LMBR1: variants seen among roughly 807,000 people sequenced by gnomAD.
LMBR1 encodes the protein limb development membrane protein 1.
In LMBR1, 52 loss-of-function variants were observed where a neutral mutation model predicts 73.9. The observed-to-expected ratio is 0.70, with a 90% CI of 0.56 to 0.89. LMBR1 has a LOEUF of 0.89. Ranked by LOEUF, LMBR1 falls within the 40% of genes least tolerant of loss-of-function variation. The probability of loss-of-function intolerance (pLI) is 0.00; values close to 1 mark genes in which losing one functional copy is unlikely to be tolerated. For missense variants in LMBR1, 539 were observed against 579.8 expected (o/e 0.93, Z 0.72); for synonymous variants, 215 against 209.4 (o/e 1.03, Z -0.23).
chr7:156,679,264 C>T lies in LMBR1; in HGVS notation c.*4814G>A, dbSNP rs1804605653. Reference sequence around the variant, plus strand: ...CACACCACGCCCCAGGCCCCTCTCACCACCCCTGCTTCCAAGTCTTTGATG... The same window carrying T: ...CACACCACGCCCCAGGCCCCTCTCATCACCCCTGCTTCCAAGTCTTTGATG... On this transcript the variant is annotated 3_prime_UTR_variant, in exon 17 of 17. Coordinates refer to ENST00000353442, the MANE Select transcript of LMBR1 (RefSeq NM_022458.4). The T allele has an allele frequency of 6.6e-6, 1 of 152,200 alleles. No individual in the cohort carries two copies. Among genetic ancestry groups the T allele is most frequent in the African/African-American group, 2.4e-5 (1 of 41,434 alleles). The allele number at this position is 152,200 out of a possible 1,614,324, so 9.4% of individuals were successfully genotyped here.
At chr7:156,863,530 T>C (rs960599135) in intron 1 of LMBR1, among the ~76,000 whole-genome samples, 1 of 152,164 alleles carries the variant, frequency 6.6e-6, no homozygotes, top group Non-Finnish European at 1.5e-5. Context: ...GTTGACACTC[T>C]ATATTCCATC....
rs190969426 is a variant in LMBR1 at position 156,722,906 on chromosome 7, C to T, written c.1225+1206G>A. Among the ~76,000 whole-genome samples the T allele has an allele frequency of 7.9e-5, 12 of 152,074 alleles. No individual in the cohort carries two copies. In the East Asian group the frequency reaches 2.3e-3, roughly 29 times the overall value. On this transcript the variant is annotated intron_variant, in intron 15 of 16. Coordinates refer to ENST00000353442, the MANE Select transcript of LMBR1 (RefSeq NM_022458.4). ...AAATAATAGTACAGTGAATGAGTTT[C>T]CTAAGTATTAAAATGATAGGTTGGC... is the stretch of plus-strand genomic sequence containing the variant.
rs1256260514 is a variant in LMBR1 at position 156,681,135 on chromosome 7, T to C, written c.*2943A>G. 2.3e-6 allele frequency: 1 copy of C among 443,426 alleles called. No homozygotes were observed. Among genetic ancestry groups the C allele is most frequent in the African/African-American group, 2.0e-5 (1 of 49,004 alleles). The allele number at this position is 443,426 out of a possible 1,614,324, so 27.5% of individuals were successfully genotyped here. On this transcript the variant is annotated 3_prime_UTR_variant, in exon 17 of 17. Transcript: ENST00000353442. ...TGCCTTTATGCATTAAATAACGTGCTACCAACAAAACTAGCACATAAGAGC... is the reference window on the plus strand; with the variant it reads ...TGCCTTTATGCATTAAATAACGTGCCACCAACAAAACTAGCACATAAGAGC...
chr7:156,791,019 T>C (rs1829130121), intron 5 of LMBR1, among the ~76,000 whole-genome samples: 1 of 152,198 alleles, frequency 6.6e-6, no homozygotes, highest in South Asian at 2.1e-4. Context: ...ACTAGTGCTC[T>C]CAATTGGGGG....
Position 156,682,060 on chromosome 7 carries a change from C to G in LMBR1, c.*2018G>C, listed in dbSNP as rs988483978. On this transcript the variant is annotated 3_prime_UTR_variant, in exon 17 of 17. Coordinates refer to ENST00000353442, the MANE Select transcript of LMBR1 (RefSeq NM_022458.4). ...AGGCATATGAGTCCCAGGTTCGAAG[C>G]CGTCCTTCCACCCCATGCATATCCT... 2 of 152,300 alleles carry G rather than the reference C, an allele frequency of 1.3e-5. No homozygotes were observed. Among genetic ancestry groups the G allele is most frequent in the African/African-American group, 4.8e-5 (2 of 41,460 alleles). The allele number at this position is 152,300 out of a possible 1,614,324, so 9.4% of individuals were successfully genotyped here.
Position 156,669,535 on chromosome 7 carries a change from C to T in LMBR1, n.867-248G>A, listed in dbSNP as rs1377352191. On this transcript the variant is annotated intron_variant and non_coding_transcript_variant, in intron 4 of 4. Coordinates refer to the LMBR1 transcript ENST00000430825. The surrounding 1 kb of genome is among the most constrained non-coding windows in gnomAD (Gnocchi z 4.2). ...GAGGGGCAGGCTGGCAGAGTGTGAG[C>T]CGCTGGGCACAGGTGACCCTTCCAG... 6.6e-6 allele frequency among the ~76,000 whole-genome samples: 1 copy of T among 152,136 alleles called. No individual in the cohort carries two copies. Among genetic ancestry groups the T allele is most frequent in the Admixed American group, 6.5e-5 (1 of 15,284 alleles).
chr7:156,882,637 C>G (rs940546823), intron 1 of LMBR1, among the ~76,000 whole-genome samples: 7 of 152,182 alleles, frequency 4.6e-5, no homozygotes, highest in African/African-American at 1.7e-4. Context: ...TTGAAAGTTA[C>G]TAATCAATGG....
chr7:156,771,889 G>T (rs1035068427), intron 5 of LMBR1, among the ~76,000 whole-genome samples: 2 of 152,166 alleles, frequency 1.3e-5, no homozygotes. Flanking sequence ...AATCCACCAT[G>T]ATCAAGTAGG....
intron 7 of LMBR1, among the ~76,000 whole-genome samples, chr7:156,762,637 C>T (rs1823272345): frequency 6.6e-6 from 1 of 152,160 alleles, no homozygotes; most frequent in Admixed American, 6.5e-5. Flanking sequence ...CTGAGATAGG[C>T]TGTGATGCTT....
At chr7:156,858,903 C>T (rs185861377) in intron 1 of LMBR1, among the ~76,000 whole-genome samples, 2 of 151,972 alleles carry the variant, frequency 1.3e-5, no homozygotes, top group African/African-American at 4.8e-5. Context: ...AAAAAAAATT[C>T]TCAACTTGAT....
chr7:156,751,534 T>C (rs1465600149), intron 9 of LMBR1, among the ~76,000 whole-genome samples: 1 of 152,104 alleles, frequency 6.6e-6, no homozygotes, highest in Non-Finnish European at 1.5e-5. Context: ...AAGATCTGAC[T>C]CATATTGTCA....
chr7:156,825,985 T>C (rs1192417972), intron 4 of LMBR1, among the ~76,000 whole-genome samples: 1 of 152,216 alleles, frequency 6.6e-6, no homozygotes, highest in Non-Finnish European at 1.5e-5. Context: ...GCTGCTGTTT[T>C]TTAGTTCTTT....
chr7:156,868,861 G>C (rs1311926024), intron 1 of LMBR1, among the ~76,000 whole-genome samples: 1 of 152,084 alleles, frequency 6.6e-6, no homozygotes, highest in Non-Finnish European at 1.5e-5. Flanking sequence ...AGCTACTTGA[G>C]AGGCGAGGTG....
chr7:156,800,107 C>T (rs1426842450), intron 4 of LMBR1, among the ~76,000 whole-genome samples: 1 of 152,240 alleles, frequency 6.6e-6, no homozygotes, highest in Non-Finnish European at 1.5e-5. Context: ...GTAGCAAGTT[C>T]TCCAGAAGAT....
intron 1 of LMBR1, among the ~76,000 whole-genome samples, chr7:156,876,830 A>C (rs1336240270): frequency 6.6e-6 from 1 of 152,202 alleles, no homozygotes; most frequent in Non-Finnish European, 1.5e-5. Flanking sequence ...CGGTGCTAAG[A>C]GGAAAGTTCA....
rs1343950098 is a variant in LMBR1 at position 156,680,403 on chromosome 7, A to AGAGAGAGTGTGTGTGTGTGT, written c.*3674_*3675insACACACACACACACTCTCTC. On this transcript the variant is annotated 3_prime_UTR_variant, in exon 17 of 17. Coordinates refer to ENST00000353442, the MANE Select transcript of LMBR1 (RefSeq NM_022458.4). ...GAGAGAGAGAGAGAGAGAGAGAGAG[A>AGAGAGAGTGTGTGTGTGTGT]GTGTGTGTGTGTGTGTGTGTGTAAT... The AGAGAGAGTGTGTGTGTGTGT allele has an allele frequency of 1.7e-3, 219 of 125,148 alleles. No homozygotes were observed. The highest frequency in any genetic ancestry group is 3.1e-3 in the Non-Finnish European group (178 of 58,224). The allele number at this position is 125,148 out of a possible 1,614,324, so 7.8% of individuals were successfully genotyped here.
At chr7:156,866,623 T>A (rs1231831268) in intron 1 of LMBR1, among the ~76,000 whole-genome samples, 1 of 147,348 alleles carries the variant, frequency 6.8e-6, no homozygotes, top group Admixed American at 6.8e-5. Context: ...TTTTTTTTAA[T>A]GAGACATAGT....
At chr7:156,830,231 T>C (rs1836436045) in intron 3 of LMBR1, among the ~76,000 whole-genome samples, 1 of 152,208 alleles carries the variant, frequency 6.6e-6, no homozygotes, top group Non-Finnish European at 1.5e-5. Context: ...AAAAAATAAA[T>C]GCTTTTTATT....
intron 1 of LMBR1, among the ~76,000 whole-genome samples, chr7:156,856,112 G>A (rs914924860): frequency 5.9e-5 from 9 of 151,902 alleles, no homozygotes; most frequent in Non-Finnish European, 7.4e-5. Context: ...GGAGAATGGC[G>A]TGAACCTGGG....
Sources: gnomAD v4.1 joint callset for allele counts (sites outside exome capture counted in the v4.1 genomes callset) on GRCh38, gnomAD v4.1.1 for gene constraint, Gnocchi (gnomAD v3.1) non-coding constraint, MANE v1.5 for transcripts, NCBI Gene and HGNC (gene_info 2026-07-23, HGNC 2026-07-21) for gene names.